The following AHCTF1 variants were observed in gnomAD, a reference collection of about 807,000 sequenced individuals.
AHCTF1 encodes AT-hook containing transcription factor 1.
In AHCTF1, 24 loss-of-function variants were observed where a neutral mutation model predicts 248.4. The observed-to-expected ratio is 0.10, with a 90% CI of 0.07 to 0.14. The LOEUF (loss-of-function observed/expected upper bound fraction) is 0.14, where lower values mean the gene tolerates loss of function less well. Ranked by LOEUF, AHCTF1 falls within the 10% of genes least tolerant of loss-of-function variation. The pLI, the probability that AHCTF1 is intolerant of heterozygous loss-of-function variation, is 1.00. For missense variants in AHCTF1, 2,206 were observed against 2,636.2 expected, an observed-to-expected ratio of 0.84 and a Z score of 3.57; for synonymous variants, 786 against 929.8, an observed-to-expected ratio of 0.85 and a Z score of 2.81.
chr1:246,915,501 T>C (rs1184221401), intron 3 of AHCTF1, among the ~76,000 whole-genome samples: 2 of 152,144 alleles, frequency 1.3e-5, no homozygotes, highest in African/African-American at 2.4e-5. Flanking sequence ...TGTACTACTA[T>C]TTTTCCATGC....
Position 246,868,444 on chromosome 1 carries a change from AG to A in AHCTF1, c.3089-634del, listed in dbSNP as rs901162399. Among the ~76,000 whole-genome samples, 388 of 148,336 alleles carry A rather than the reference AG, an allele frequency of 2.6e-3. 2 individuals are homozygous for A. The highest frequency in any genetic ancestry group is 9.8e-3 in the African/African-American group (372 of 38,044). ...CAATTTTTGTATTTTTAGTAGAGAC[AG>A]GGTTTCACCATGTTGGCCAGACTGG... On this transcript the variant is annotated intron_variant, in intron 24 of 35. Coordinates refer to ENST00000648844, the MANE Select transcript of AHCTF1 (RefSeq NM_001323342.2).
rs186471654 is a variant in AHCTF1, at chr1:246,887,767, A to T, written c.2325+410T>A. Among the ~76,000 whole-genome samples, 10 of 152,330 alleles carry T rather than the reference A, an allele frequency of 6.6e-5. No individual in the cohort carries two copies. In the East Asian group the frequency reaches 1.9e-3, roughly 29 times the overall value. On this transcript the variant is annotated intron_variant, in intron 19 of 35. Transcript: ENST00000648844. ...CTAAGTAACTAACATTAGCACAAAA[A>T]TATTATCACAAAGACTATAGGACTC...
At chr1:246,861,843 T>A (rs1362686405) in intron 28 of AHCTF1, 116 bp downstream of exon 28, 2 of 879,440 alleles carry the variant, frequency 2.3e-6, no homozygotes, top group Admixed American at 2.9e-5. Context: ...GCTACAAGAT[T>A]ATATACAAAA....
At chr1:246,930,079 T>C (rs2103267524) in intron 1 of AHCTF1, among the ~76,000 whole-genome samples, 1 of 151,878 alleles carries the variant, frequency 6.6e-6, no homozygotes, top group East Asian at 1.9e-4. Flanking sequence ...TATCTGTACC[T>C]ATGAAAAAGG....
At position 246,916,324 on chromosome 1, in the gene AHCTF1, A is replaced by G; in HGVS notation, c.193T>C (p.Leu65=). 6.2e-7 allele frequency: 1 copy of G among 1,609,360 alleles called. No individual in the cohort carries two copies. Among genetic ancestry groups the G allele is most frequent in the Middle Eastern group, 1.7e-4 (1 of 6,034 alleles). Reference sequence around the variant, plus strand: ...ACTCCACTGAATCTGTAAGCAGACAATCGCTCTCCTGTTATAGAGTTTACT... The same window carrying G: ...ACTCCACTGAATCTGTAAGCAGACAGTCGCTCTCCTGTTATAGAGTTTACT... ...EVVNSITGER[L]SAYRFSGVNE... is the part of the protein sequence containing the mutation. Residue 65 remains leucine, a synonymous_variant, in exon 3 of 36, where the codon TTG becomes CTG. Transcript: ENST00000648844.
intron 13 of AHCTF1, 58 bp downstream of exon 13, chr1:246,895,777 A>C (rs1284689926): frequency 2.3e-5 from 31 of 1,362,784 alleles, no homozygotes; most frequent in Non-Finnish European, 3.1e-5. Context: ...AAATATAACA[A>C]ATAGCAAGTT....
At chr1:246,905,331 C>T (rs2103186834) in intron 6 of AHCTF1, among the ~76,000 whole-genome samples, 1 of 152,188 alleles carries the variant, frequency 6.6e-6, no homozygotes, top group Non-Finnish European at 1.5e-5. Context: ...AACCCCGTCT[C>T]TACTGAAAAT....
In AHCTF1 at chr1:246,899,033, G is replaced by A. The variant is rs377563134; in HGVS notation, c.1494+418C>T. Among the ~76,000 whole-genome samples, 19 of 152,312 alleles carry A rather than the reference G, an allele frequency of 1.2e-4. No homozygotes were observed. The East Asian group carries it at 2.9e-3, about 23-fold the overall frequency. On this transcript the variant is annotated intron_variant, in intron 11 of 35. Coordinates refer to ENST00000648844, the MANE Select transcript of AHCTF1 (RefSeq NM_001323342.2). The stretch of plus-strand genomic sequence containing the variant: ...GAACCTGGGTGGCAGAGGTTGCAAT[G>A]AGCCGAGATGGTGTCACTGCACCCC...
intron 1 of AHCTF1, among the ~76,000 whole-genome samples, chr1:246,924,281 T>C (rs1003842323): frequency 7.2e-5 from 11 of 152,312 alleles, no homozygotes; most frequent in African/African-American, 2.4e-4. Context: ...TCTTATGAAA[T>C]TAACTATTTC....
intron 33 of AHCTF1, among the ~76,000 whole-genome samples, chr1:246,846,141 C>T (rs1248440371): frequency 6.7e-6 from 1 of 149,006 alleles, no homozygotes; most frequent in African/African-American, 2.5e-5. Flanking sequence ...TTCTTAATAT[C>T]TGCTGTATGA....
chr1:246,860,212 G>A (rs544181065), intron 29 of AHCTF1, among the ~76,000 whole-genome samples: 2 of 152,100 alleles, frequency 1.3e-5, no homozygotes, highest in African/African-American at 2.4e-5. Context: ...AGGTTGCAGT[G>A]AGCCGAGATC....
intron 32 of AHCTF1, 102 bp downstream of exon 32, chr1:246,852,989 C>G: frequency 2.6e-6 from 2 of 772,398 alleles, no homozygotes; most frequent in Non-Finnish European, 4.1e-6. Context: ...TTTTATATAG[C>G]AGTCAAATAA....
intron 33 of AHCTF1, among the ~76,000 whole-genome samples, chr1:246,844,463 G>C (rs769620370): frequency 6.6e-6 from 1 of 152,206 alleles, no homozygotes; most frequent in African/African-American, 2.4e-5. Context: ...GCTCACAATT[G>C]TAATTCCAGC....
intron 33 of AHCTF1, among the ~76,000 whole-genome samples, chr1:246,847,412 TGGAA>T (rs1558207160): frequency 6.6e-6 from 1 of 152,242 alleles, no homozygotes; most frequent in African/African-American, 2.4e-5. Flanking sequence ...CATATGTATC[TGGAA>T]CGATATACAG....
chr1:246,862,080 G>C lies in AHCTF1; in HGVS notation c.3614C>G (p.Ser1205Cys). 3.1e-6 allele frequency: 5 copies of C among 1,611,658 alleles called. No homozygotes were observed. The highest frequency in any genetic ancestry group is 4.2e-6 in the Non-Finnish European group (5 of 1,177,824). ...TGCTAAAGGTGTTGATCGAAGAGTA[G>C]ACCTCAGGATGGACTGAGGAGTGAA... ...SEFTPQSILR[S>C]TLRSTPLASP... The change falls in exon 28 of 36, where the codon TCT becomes TGT. Residue 1205 changes from serine (S) to cysteine (C), a missense_variant. Ser to Cys is a moderately radical substitution (Grantham distance 112). Transcript: ENST00000648844.
Position 246,898,058 on chromosome 1 carries a change from A to T in AHCTF1, c.1623+150T>A, listed in dbSNP as rs1375598519. 3 of 1,141,794 alleles carry T rather than the reference A, an allele frequency of 2.6e-6. No individual in the cohort carries two copies. In the East Asian group the frequency reaches 7.8e-5, roughly 30 times the overall value. 70.7% of individuals were successfully genotyped at this position (1,141,794 alleles called of 1,614,324 possible). ...GTATTAGGAATAGGAATTTTAAACC[A>T]AACCTAAGACCACAACTGCTGATCA... is the stretch of plus-strand genomic sequence containing the variant. On this transcript the variant is annotated intron_variant, in intron 12 of 35. Transcript: ENST00000648844.
At chr1:246,868,946 G>A (rs372392410) in intron 24 of AHCTF1, among the ~76,000 whole-genome samples, 26 of 150,120 alleles carry the variant, frequency 1.7e-4, no homozygotes, top group South Asian at 4.2e-4. Flanking sequence ...CCGGGTTCAC[G>A]CCATTCTCCT....
In AHCTF1 at chr1:246,918,304, G is replaced by A. The variant is rs940452908; in HGVS notation, c.67C>T (p.Leu23Phe). 1.9e-6 allele frequency: 3 copies of A among 1,612,650 alleles called. No individual in the cohort carries two copies. In the South Asian group the frequency reaches 3.3e-5, roughly 18 times the overall value. ...LPFPEVTLQA[L>F]GEDEITLESV... ...TCTAATGTTATTTCGTCTTCTCCAA[G>A]GGCTTGAAGAGTCACTTCTGGAAAT... The change falls in exon 2 of 36, where the codon CTT becomes TTT. Residue 23 changes from leucine (L) to phenylalanine (F), a missense_variant. By Grantham distance (22) the Leu-to-Phe change is conservative (BLOSUM62 0). Around this residue, in one of 6 missense-constraint regions of AHCTF1, gnomAD observed 69 missense variants for 85.4 expected, o/e 0.81. Transcript: ENST00000648844.
At chr1:246,922,230 T>C (rs2103242838) in intron 1 of AHCTF1, among the ~76,000 whole-genome samples, 1 of 152,194 alleles carries the variant, frequency 6.6e-6, no homozygotes, top group South Asian at 2.1e-4. Context: ...CATGGCAGTA[T>C]GTGCCCGTAG....
Sources: allele counts gnomAD v4.1 joint callset (sites outside exome capture counted in the v4.1 genomes callset), GRCh38; gene constraint gnomAD v4.1.1; regional missense constraint gnomAD v4.1.1; transcripts MANE v1.5; gene names NCBI Gene and HGNC (gene_info 2026-07-23, HGNC 2026-07-21).